Variants in CDC42EP1 observed in about 807,000 individuals in gnomAD.
CDC42EP1 encodes the protein 55 kDa bone marrow stromal/endothelial cell protein.
In CDC42EP1, 6 loss-of-function variants were observed where a neutral mutation model predicts 7.4. The observed-to-expected ratio is 0.81, with a 90% CI of 0.44 to 1.60. CDC42EP1 has a LOEUF of 1.60. Among genes scored for constraint, CDC42EP1 ranks in the 40% most tolerant of loss-of-function variants. CDC42EP1 has a pLI of 0.01. For synonymous variants in CDC42EP1, 238 were observed against 227.1 expected (o/e 1.05, Z -0.43); for missense variants, 567 against 539.0 (o/e 1.05, Z -0.51).
At position 37,566,861 on chromosome 22, in the gene CDC42EP1, GC is replaced by G; in HGVS notation, c.463+52del. 1.4e-6 allele frequency: 2 copies of G among 1,394,858 alleles called. No individual in the cohort carries two copies. Among genetic ancestry groups the G allele is most frequent in the Non-Finnish European group, 1.9e-6 (2 of 1,027,530 alleles). The allele number at this position is 1,394,858 out of a possible 1,614,324, so 86.4% of individuals were successfully genotyped here. A position where few individuals can be genotyped will look rare whatever the true frequency, so the allele number is the denominator to read the frequency against. On this transcript the variant is annotated intron_variant, in intron 2 of 2. Transcript: ENST00000249014. The surrounding 1 kb of genome is among the most constrained non-coding windows in gnomAD (Gnocchi z 6.4). ...CCACTTTTCAGAGGCTGAGGCTGAG[GC>G]CCAGAGGGGTTCAGTGGCTCCTCCA...
In CDC42EP1 at chr22:37,568,130, C is replaced by T. The variant is rs777498992; in HGVS notation, c.486C>T (p.Thr162=). ...SSYGLDSGFC[T]ISRLPRSEKP... is the part of the protein sequence containing the mutation. Reference sequence around the variant, plus strand: ...TAGGCCTGGACTCTGGGTTCTGCACCATCTCCCGCCTGCCCCGCTCGGAAA... The same window carrying T: ...TAGGCCTGGACTCTGGGTTCTGCACTATCTCCCGCCTGCCCCGCTCGGAAA... The change falls in exon 3 of 3, where the codon ACC becomes ACT. Residue 162 remains threonine (T), a synonymous_variant. Transcript: ENST00000249014. 8 of 1,613,296 alleles carry T rather than the reference C, an allele frequency of 5.0e-6. No individual in the cohort carries two copies. Among genetic ancestry groups the T allele is most frequent in the Non-Finnish European group, 5.9e-6 (7 of 1,179,664 alleles).
Position 37,568,568 on chromosome 22 carries a change from T to C in CDC42EP1, c.924T>C (p.Gly308=), listed in dbSNP as rs77148107. The C allele has an allele frequency of 3.6e-3, 5,828 of 1,604,174 alleles. 200 individuals carry two copies. In the African/African-American group the frequency reaches 0.069, roughly 19 times the overall value. ...TGAAGTCCAGCCCAGTGGGAGGGGG[T>C]CCCCGAGGACCTGCTGGCCCTGCCC... is the stretch of plus-strand genomic sequence containing the variant. ...AEVKSSPVGG[G]PRGPAGPALG... Residue 308 remains glycine, a synonymous_variant, in exon 3 of 3, where the codon GGT becomes GGC. Coordinates refer to ENST00000249014, the MANE Select transcript of CDC42EP1 (RefSeq NM_152243.3).
At chr22:37,567,730 C>T (rs774714575) in intron 2 of CDC42EP1, among the ~76,000 whole-genome samples, 27 of 152,188 alleles carry the variant, frequency 1.8e-4, no homozygotes, top group Non-Finnish European at 3.1e-4. Context: ...CATCGGCCAG[C>T]GTCATGGCAG....
chr22:37,568,352 A>G lies in CDC42EP1; in HGVS notation c.708A>G (p.Ala236=). 1 of 1,466,180 alleles carries G rather than the reference A, an allele frequency of 6.8e-7. No homozygotes were observed. Among genetic ancestry groups the G allele is most frequent in the Non-Finnish European group, 9.1e-7 (1 of 1,096,920 alleles). 90.8% of individuals were successfully genotyped at this position (1,466,180 alleles called of 1,614,324 possible). A position where few individuals can be genotyped will look rare whatever the true frequency, so the allele number is the denominator to read the frequency against. Residue 236 remains alanine, a synonymous_variant, in exon 3 of 3, where the codon GCA becomes GCG. Transcript: ENST00000249014. The part of the protein sequence containing the change: ...APAANPPAPT[A]NPTGPAANPP... ...CTGCAAACCCCCCAGCCCCTACTGCAAACCCCACGGGTCCTGCTGCAAACC... is the reference window on the plus strand; with the variant it reads ...CTGCAAACCCCCCAGCCCCTACTGCGAACCCCACGGGTCCTGCTGCAAACC...
At chr22:37,564,935 C>T (rs913646423) in intron 1 of CDC42EP1, among the ~76,000 whole-genome samples, 7 of 152,160 alleles carry the variant, frequency 4.6e-5, no homozygotes, top group Non-Finnish European at 8.8e-5. Context: ...CCCGCCACTA[C>T]GCCCAGCTAA....
At position 37,569,140 on chromosome 22, in the gene CDC42EP1, C is replaced by T. The variant is rs1443072802; in HGVS notation, c.*320C>T. ...AGTGTGTCCTTTGTGCCAGACCAAG[C>T]GGCCCGTGGGGGGTGGGGGGCAGGG... On this transcript the variant is annotated 3_prime_UTR_variant, in exon 3 of 3. Transcript: ENST00000249014. 4.8e-5 allele frequency: 11 copies of T among 230,726 alleles called. No homozygotes were observed. The South Asian group carries it at 7.0e-4, about 15-fold the overall frequency. The allele number at this position is 230,726 out of a possible 1,614,324, so 14.3% of individuals were successfully genotyped here.
rs763894185 is a variant in CDC42EP1, at chr22:37,568,333, AC to A, written c.695del (p.Pro232GlnfsTer59). 6.6e-5 allele frequency: 100 copies of A among 1,510,562 alleles called. No homozygotes were observed. The highest frequency in any genetic ancestry group is 6.2e-5 in the Non-Finnish European group (69 of 1,110,068). The allele number at this position is 1,510,562 out of a possible 1,614,324, so 93.6% of individuals were successfully genotyped here. ...PAAETPAPAA[N>X]PPAPTANPTG... Reference sequence around the variant, plus strand: ...GCTGAGACTCCAGCCCCCGCTGCAAACCCCCCAGCCCCTACTGCAAACCCCA... The same window carrying A: ...GCTGAGACTCCAGCCCCCGCTGCAAACCCCCAGCCCCTACTGCAAACCCCA... On this transcript the variant is annotated frameshift_variant, in exon 3 of 3. Coordinates refer to ENST00000249014, the MANE Select transcript of CDC42EP1 (RefSeq NM_152243.3). LOFTEE classifies it low-confidence loss of function (END_TRUNC).
Position 37,566,853 on chromosome 22 carries a change from A to C in CDC42EP1, c.463+41A>C. 1 of 1,460,810 alleles carries C rather than the reference A, an allele frequency of 6.8e-7. No individual in the cohort carries two copies. The highest frequency in any genetic ancestry group is 9.2e-7 in the Non-Finnish European group (1 of 1,082,880). The allele number at this position is 1,460,810 out of a possible 1,614,324, so 90.5% of individuals were successfully genotyped here. ...ATCTTGGCCCACTTTTCAGAGGCTG[A>C]GGCTGAGGCCCAGAGGGGTTCAGTG... On this transcript the variant is annotated intron_variant, in intron 2 of 2. Transcript: ENST00000249014. The surrounding 1 kb of genome is among the most constrained non-coding windows in gnomAD (Gnocchi z 6.4).
At chr22:37,564,706 C>T (rs1393218438) in intron 1 of CDC42EP1, among the ~76,000 whole-genome samples, 1 of 152,212 alleles carries the variant, frequency 6.6e-6, no homozygotes, top group Admixed American at 6.5e-5. Context: ...TACGTAGCCT[C>T]AGGCAAGTTA....
intron 1 of CDC42EP1, among the ~76,000 whole-genome samples, chr22:37,563,983 C>T (rs1925136215): frequency 6.6e-6 from 1 of 152,212 alleles, no homozygotes; most frequent in Non-Finnish European, 1.5e-5. Context: ...CAGGCGGCCT[C>T]CCCACCCTCC....
rs1290409937 is a variant in CDC42EP1 at position 37,566,571 on chromosome 22, C to T, written c.222C>T (p.Thr74=). The T allele has an allele frequency of 6.2e-7, 1 of 1,605,930 alleles. No individual in the cohort carries two copies. The highest frequency in any genetic ancestry group is 1.1e-5 in the South Asian group (1 of 90,504). Residue 74 remains threonine, a synonymous_variant, in exon 2 of 3, where the codon ACC becomes ACT. Transcript: ENST00000249014. This position sits in a 1 kb window ranked among gnomAD's most constrained non-coding sequence, Gnocchi z 6.4. ...ACCACGGTGGCAGCTCCGGGAGCAC[C>T]CATCGCTCACCCCGCAGCTTCCTGG... The part of the protein sequence containing the change: ...LSNHGGSSGS[T]HRSPRSFLAK...
chr22:37,565,126 G>A (rs962441059), intron 1 of CDC42EP1, among the ~76,000 whole-genome samples: 1 of 151,724 alleles, frequency 6.6e-6, no homozygotes, highest in Non-Finnish European at 1.5e-5. Context: ...TGAGGTCTTG[G>A]CACTTAGTAA....
intron 1 of CDC42EP1, among the ~76,000 whole-genome samples, 188 bp downstream of exon 1, chr22:37,560,776 C>T (rs1011896031): frequency 6.6e-6 from 1 of 151,922 alleles, no homozygotes; most frequent in Admixed American, 6.5e-5. Flanking sequence ...GAGGAAACTC[C>T]GAGCTTTCGG....
chr22:37,565,976 G>A, intron 1 of CDC42EP1, 96 bp from the exon 2 acceptor site: 1 of 185,274 alleles, frequency 5.4e-6, no homozygotes, highest in Non-Finnish European at 1.1e-5. Context: ...GTAGTTGGGT[G>A]TGATCATCTA....
chr22:37,562,156 G>A (rs2235335), intron 1 of CDC42EP1, among the ~76,000 whole-genome samples: 2 of 152,004 alleles, frequency 1.3e-5, no homozygotes, highest in East Asian at 3.9e-4. Context: ...CCTCCAAATC[G>A]TCTTCCCCAT....
chr22:37,568,178 T>C lies in CDC42EP1; in HGVS notation c.534T>C (p.Asp178=). The change falls in exon 3 of 3, where the codon GAT becomes GAC. Residue 178 remains aspartate, a synonymous_variant. Transcript: ENST00000249014. ...RSEKPHDRDR[D]GSFPSEPGLR... is the part of the protein sequence containing the mutation. ...AAAAGCCGCATGACCGAGACCGGGA[T>C]GGTTCCTTCCCCTCTGAGCCCGGGC... 1 of 1,613,940 alleles carries C rather than the reference T, an allele frequency of 6.2e-7. No individual in the cohort carries two copies. Among genetic ancestry groups the C allele is most frequent in the East Asian group, 2.2e-5 (1 of 44,878 alleles).
intron 1 of CDC42EP1, among the ~76,000 whole-genome samples, chr22:37,561,310 G>C (rs1446181597): frequency 6.6e-6 from 1 of 152,236 alleles, no homozygotes; most frequent in Non-Finnish European, 1.5e-5. Context: ...TTAGAGAGTA[G>C]GGGGGACTGG....
rs866415169 is a variant in CDC42EP1 at position 37,561,702 on chromosome 22, G to C, written c.-279+1114G>C. Among the ~76,000 whole-genome samples the C allele has an allele frequency of 1.5e-3, 236 of 152,306 alleles. 1 individual carries two copies. The highest frequency in any genetic ancestry group is 3.4e-3 in the Middle Eastern group (1 of 294). ...CAGGGACCCGCTGTCCAGCGGTGGG[G>C]GGGGGCGTCACCCAGCTGGATGCCC... On this transcript the variant is annotated intron_variant, in intron 1 of 2. Transcript: ENST00000249014.
At position 37,566,175 on chromosome 22, in the gene CDC42EP1, G is replaced by A. The variant is rs966207793; in HGVS notation, c.-175G>A. 26 of 463,394 alleles carry A rather than the reference G, an allele frequency of 5.6e-5. No homozygotes were observed. Among genetic ancestry groups the A allele is most frequent in the Middle Eastern group, 5.5e-4 (1 of 1,832 alleles). 28.7% of individuals were successfully genotyped at this position (463,394 alleles called of 1,614,324 possible). ...GAGGGGCTGGGAGCCGGGCCCCTGG[G>A]AGAGACGAGCCATGAACCCCCCACA... On this transcript the variant is annotated 5_prime_UTR_variant, in exon 2 of 3. Coordinates refer to ENST00000249014, the MANE Select transcript of CDC42EP1 (RefSeq NM_152243.3). The surrounding 1 kb of genome is among the most constrained non-coding windows in gnomAD (Gnocchi z 6.4).
Sources: allele counts gnomAD v4.1 joint callset (sites outside exome capture counted in the v4.1 genomes callset), GRCh38; gene constraint gnomAD v4.1.1; non-coding constraint Gnocchi (gnomAD v3.1); transcripts MANE v1.5; gene names NCBI Gene and HGNC (gene_info 2026-07-23, HGNC 2026-07-21).